SCUBE1: variants seen among roughly 807,000 people sequenced by gnomAD.
SCUBE1 encodes signal peptide, CUB and EGF-like domain-containing protein 1.
SCUBE1 carries 59 observed loss-of-function variants against 124.4 expected under a neutral mutation model. That is an observed-to-expected ratio of 0.47 (90% CI 0.38 to 0.59). The LOEUF is 0.59. Among genes scored for constraint, SCUBE1 ranks in the 20% least tolerant of loss-of-function variants. SCUBE1 has a pLI of 0.00. For synonymous variants in SCUBE1, 545 were observed against 550.9 expected (o/e 0.99, Z 0.15); for missense variants, 1,150 against 1,371.2 (o/e 0.84, Z 2.55).
At chr22:43,327,804 A>G (rs1171034662) in intron 2 of SCUBE1, among the ~76,000 whole-genome samples, 1 of 152,320 alleles carries the variant, frequency 6.6e-6, no homozygotes, top group South Asian at 2.1e-4. Flanking sequence ...ATAAAATAAA[A>G]TAAATTAAAC....
intron 6 of SCUBE1, among the ~76,000 whole-genome samples, chr22:43,252,272 G>A (rs1034090657): frequency 6.6e-6 from 1 of 152,204 alleles, no homozygotes; most frequent in South Asian, 2.1e-4. Flanking sequence ...CCCATTGAGG[G>A]CACTCCCCTC....
At chr22:43,339,754 TCCCCCC>T in intron 1 of SCUBE1, among the ~76,000 whole-genome samples, 1 of 9,578 alleles carries the variant, frequency 1.0e-4, no homozygotes, top group African/African-American at 4.5e-4. Context: ...GCTCCAACCC[TCCCCCC>T]ACTCTCCTCA....
In SCUBE1 at chr22:43,208,100, G is replaced by T. The variant is rs1569494791; in HGVS notation, c.2706C>A (p.Gly902=). Residue 902 remains glycine, a synonymous_variant, in exon 20 of 22, where the codon GGC becomes GGA. Transcript: ENST00000360835. ...FKSNEGNSGK[G]FQVPYVTYDE... ...CGTAGGTGACATAGGGCACTTGGAA[G>T]CCTTTGCCGCTGTTGCCTTCATTGG... The T allele has an allele frequency of 6.2e-7, 1 of 1,614,024 alleles. No homozygotes were observed. Among genetic ancestry groups the T allele is most frequent in the African/African-American group, 1.3e-5 (1 of 74,938 alleles).
At chr22:43,299,025 T>C (rs1925670094) in intron 3 of SCUBE1, among the ~76,000 whole-genome samples, 1 of 142,512 alleles carries the variant, frequency 7.0e-6, no homozygotes, top group African/African-American at 2.6e-5. Flanking sequence ...CACTCTGGCC[T>C]GGGGCGACAC....
chr22:43,330,057 T>C (rs1263302095), intron 2 of SCUBE1, among the ~76,000 whole-genome samples: 1 of 150,636 alleles, frequency 6.6e-6, no homozygotes, highest in East Asian at 1.9e-4. Context: ...AAATGGGGAA[T>C]TAGAGAAAAA....
chr22:43,281,594 C>A (rs896693748), intron 4 of SCUBE1, among the ~76,000 whole-genome samples: 5 of 150,890 alleles, frequency 3.3e-5, no homozygotes, highest in Non-Finnish European at 5.9e-5. Flanking sequence ...CCTTCTCAGC[C>A]ACCCTCCTGT....
intron 3 of SCUBE1, among the ~76,000 whole-genome samples, chr22:43,311,499 C>A (rs1926168426): frequency 6.6e-6 from 1 of 150,574 alleles, no homozygotes; most frequent in African/African-American, 2.4e-5. Flanking sequence ...CGGCTCATTG[C>A]AACCTCTGCC....
chr22:43,272,138 C>T (rs921839449), intron 4 of SCUBE1, among the ~76,000 whole-genome samples: 2 of 152,184 alleles, frequency 1.3e-5, no homozygotes, highest in African/African-American at 4.8e-5. Flanking sequence ...CTCTCGTCGT[C>T]CTTCTCACTG....
In SCUBE1 at chr22:43,198,101, C is replaced by G. The variant is rs1920954404; in HGVS notation, c.*5896G>C. Reference sequence around the variant, plus strand: ...TCTCCCAGAGCCTTCATTTCCACATCTGAAGAATGGTCTTAACCCCACCAT... The same window carrying G: ...TCTCCCAGAGCCTTCATTTCCACATGTGAAGAATGGTCTTAACCCCACCAT... On this transcript the variant is annotated 3_prime_UTR_variant, in exon 22 of 22. Coordinates refer to ENST00000360835, the MANE Select transcript of SCUBE1 (RefSeq NM_173050.5). 6.1e-6 allele frequency: 1 copy of G among 163,294 alleles called. No homozygotes were observed. The highest frequency in any genetic ancestry group is 5.9e-5 in the Admixed American group (1 of 17,034). 10.1% of individuals were successfully genotyped at this position (163,294 alleles called of 1,614,324 possible).
rs1214144771 is a variant in SCUBE1 at position 43,203,830 on chromosome 22, G to T, written c.*167C>A. The stretch of plus-strand genomic sequence containing the variant: ...AGCAGGGTGCTCCCACAGGGGCAGC[G>T]GGTCCGAAGGGTGCCTGGGCTCGGT... On this transcript the variant is annotated 3_prime_UTR_variant, in exon 22 of 22. Coordinates refer to ENST00000360835, the MANE Select transcript of SCUBE1 (RefSeq NM_173050.5). 2 of 641,904 alleles carry T rather than the reference G, an allele frequency of 3.1e-6. No individual in the cohort carries two copies. The highest frequency in any genetic ancestry group is 3.7e-5 in the African/African-American group (2 of 54,016). 39.8% of individuals were successfully genotyped at this position (641,904 alleles called of 1,614,324 possible). A position where few individuals can be genotyped will look rare whatever the true frequency, so the allele number is the denominator to read the frequency against.
In SCUBE1 at chr22:43,207,650, G is replaced by A. The variant is rs771029218; in HGVS notation, c.2735-37C>T. On this transcript the variant is annotated intron_variant, in intron 20 of 21. Coordinates refer to ENST00000360835, the MANE Select transcript of SCUBE1 (RefSeq NM_173050.5). ...GTCAGCAGGGGGAGAGGAAGGCGAG[G>A]GGCTTGAGGCCCACGTGCTCCCCTT... The A allele has an allele frequency of 6.5e-6, 10 of 1,533,388 alleles. No individual in the cohort carries two copies. The South Asian group carries it at 1.0e-4, about 15-fold the overall frequency. 95.0% of individuals were successfully genotyped at this position (1,533,388 alleles called of 1,614,324 possible).
At chr22:43,308,030 G>A (rs1478927596) in intron 3 of SCUBE1, among the ~76,000 whole-genome samples, 1 of 151,892 alleles carries the variant, frequency 6.6e-6, no homozygotes, top group Non-Finnish European at 1.5e-5. Context: ...CCATGGGCAT[G>A]AGGCTGTCAA....
chr22:43,299,365 C>G (rs986406880), intron 3 of SCUBE1, among the ~76,000 whole-genome samples: 2 of 152,186 alleles, frequency 1.3e-5, no homozygotes, highest in African/African-American at 4.8e-5. Flanking sequence ...CAACAACAAA[C>G]CACATCAGAG....
intron 3 of SCUBE1, among the ~76,000 whole-genome samples, chr22:43,292,275 G>A (rs889462072): frequency 6.6e-6 from 1 of 152,146 alleles, no homozygotes; most frequent in South Asian, 2.1e-4. Flanking sequence ...CCACTCTCGG[G>A]GAGAGGCAGA....
intron 4 of SCUBE1, among the ~76,000 whole-genome samples, chr22:43,266,849 C>T (rs1368345874): frequency 4.6e-5 from 7 of 152,180 alleles, no homozygotes; most frequent in South Asian, 2.1e-4. Context: ...CTGAAGCTCT[C>T]GGAGCAGCCC....
At chr22:43,207,935 G>C in intron 20 of SCUBE1, 137 bp downstream of exon 20, 1 of 1,015,170 alleles carries the variant, frequency 9.9e-7, no homozygotes, top group South Asian at 1.4e-5. Flanking sequence ...TCTGGCCCCT[G>C]ACAGTGTTCG....
chr22:43,208,011 C>G, intron 20 of SCUBE1, 61 bp downstream of exon 20: 1 of 1,586,550 alleles, frequency 6.3e-7, no homozygotes, highest in South Asian at 1.1e-5. Flanking sequence ...CGACTCATCT[C>G]TGTGTCTCCA....
chr22:43,274,758 G>A (rs968830220), intron 4 of SCUBE1, among the ~76,000 whole-genome samples: 4 of 152,208 alleles, frequency 2.6e-5, no homozygotes, highest in African/African-American at 9.6e-5. Flanking sequence ...CCCACATGCC[G>A]CAGAAAGGAG....
At chr22:43,303,922 G>A (rs1026738341) in intron 3 of SCUBE1, among the ~76,000 whole-genome samples, 2 of 152,168 alleles carry the variant, frequency 1.3e-5, no homozygotes, top group African/African-American at 2.4e-5. Flanking sequence ...GAGCTAAAGC[G>A]CCTTCAGTGC....
Sources: gnomAD v4.1 joint callset for allele counts (sites outside exome capture counted in the v4.1 genomes callset) on GRCh38, gnomAD v4.1.1 for gene constraint, MANE v1.5 for transcripts, NCBI Gene and HGNC (gene_info 2026-07-23, HGNC 2026-07-21) for gene names.